Variants in KCNH7 observed in about 807,000 individuals in gnomAD.
KCNH7 encodes the protein potassium voltage-gated channel subfamily H member 7, also known as voltage-gated inwardly rectifying potassium channel KCNH7.
Under a neutral mutation model 120.8 loss-of-function variants are expected in KCNH7, and 49 were observed. That is an observed-to-expected ratio of 0.41 (90% CI 0.32 to 0.51). KCNH7 has a LOEUF of 0.51. Among genes scored for constraint, KCNH7 ranks in the 20% least tolerant of loss-of-function variants. KCNH7 has a pLI of 0.38. For missense variants in KCNH7, 1,097 were observed against 1,446.6 expected, an observed-to-expected ratio of 0.76 and a Z score of 3.92; for synonymous variants, 547 against 516.1, an observed-to-expected ratio of 1.06 and a Z score of -0.81.
At chr2:162,594,131 C>T (rs915495237) in intron 2 of KCNH7, among the ~76,000 whole-genome samples, 5 of 151,828 alleles carry the variant, frequency 3.3e-5, no homozygotes, top group Admixed American at 2.0e-4. Flanking sequence ...TGATGAAGGC[C>T]CCAAATTTCA....
At chr2:162,420,351 G>A (rs1316376814) in intron 9 of KCNH7, among the ~76,000 whole-genome samples, 1 of 152,118 alleles carries the variant, frequency 6.6e-6, no homozygotes, top group Non-Finnish European at 1.5e-5. Flanking sequence ...ACTCTAGGCT[G>A]GGAAATAGAG....
intron 13 of KCNH7, 136 bp from the exon 14 acceptor site, chr2:162,380,157 G>T (rs1305126211): frequency 1.0e-6 from 1 of 993,814 alleles, no homozygotes; most frequent in African/African-American, 1.6e-5. Flanking sequence ...ATTCAGTGAT[G>T]TGTCCAGGGG....
intron 2 of KCNH7, among the ~76,000 whole-genome samples, chr2:162,762,119 T>A (rs577654508): frequency 6.6e-6 from 1 of 152,150 alleles, no homozygotes; most frequent in East Asian, 1.9e-4. Context: ...TCTTTAGATC[T>A]TATCTTTCTC....
intron 2 of KCNH7, among the ~76,000 whole-genome samples, chr2:162,549,490 T>G (rs1435627006): frequency 6.6e-6 from 1 of 152,214 alleles, no homozygotes; most frequent in African/African-American, 2.4e-5. Flanking sequence ...AATAAACACT[T>G]TCTGAGATAA....
intron 9 of KCNH7, among the ~76,000 whole-genome samples, chr2:162,408,286 T>C (rs997983835): frequency 8.5e-5 from 13 of 152,078 alleles, no homozygotes; most frequent in African/African-American, 3.1e-4. Flanking sequence ...GGGTATTGTT[T>C]CTTGGGAATT....
chr2:162,739,067 T>C (rs568337266), intron 2 of KCNH7, among the ~76,000 whole-genome samples: 61 of 152,302 alleles, frequency 4.0e-4, no homozygotes, highest in African/African-American at 1.2e-3. Flanking sequence ...CCTTGCCTAC[T>C]GTCATTCAGG....
At chr2:162,478,048 G>A (rs1689806638) in intron 6 of KCNH7, among the ~76,000 whole-genome samples, 1 of 152,220 alleles carries the variant, frequency 6.6e-6, no homozygotes, top group African/African-American at 2.4e-5. Context: ...AAGGCACTGT[G>A]AAAGTGTGTG....
At chr2:162,567,200 A>G (rs893589780) in intron 2 of KCNH7, among the ~76,000 whole-genome samples, 21 of 152,068 alleles carry the variant, frequency 1.4e-4, no homozygotes, top group African/African-American at 5.1e-4. Flanking sequence ...TGATATTCCA[A>G]CATAACTCTT....
At chr2:162,437,659 T>A (rs890497046) in intron 7 of KCNH7, among the ~76,000 whole-genome samples, 4 of 152,106 alleles carry the variant, frequency 2.6e-5, no homozygotes, top group Non-Finnish European at 5.9e-5. Context: ...TGAATACAAA[T>A]AATAAGGCCA....
intron 2 of KCNH7, among the ~76,000 whole-genome samples, chr2:162,602,677 A>G (rs1694596012): frequency 6.6e-6 from 1 of 152,046 alleles, no homozygotes; most frequent in South Asian, 2.1e-4. Context: ...ATATTCCAAT[A>G]CTAGTTATCC....
chr2:162,605,141 G>A (rs995691670), intron 2 of KCNH7, among the ~76,000 whole-genome samples: 3 of 152,038 alleles, frequency 2.0e-5, no homozygotes, highest in East Asian at 1.9e-4. Flanking sequence ...AACCTGAAAT[G>A]AGAACTGTGA....
At chr2:162,401,067 G>C (rs767227389) in intron 9 of KCNH7, among the ~76,000 whole-genome samples, 1 of 151,846 alleles carries the variant, frequency 6.6e-6, no homozygotes, top group Non-Finnish European at 1.5e-5. Flanking sequence ...CACTTTAAAA[G>C]TGTAGTCCGA....
At chr2:162,801,984 A>T (rs536125727) in intron 2 of KCNH7, among the ~76,000 whole-genome samples, 6 of 151,892 alleles carry the variant, frequency 4.0e-5, no homozygotes, top group African/African-American at 1.2e-4. Flanking sequence ...CAAGAATATG[A>T]TATATTCCAA....
chr2:162,678,950 C>A (rs1043076364), intron 2 of KCNH7, among the ~76,000 whole-genome samples: 2 of 151,610 alleles, frequency 1.3e-5, no homozygotes, highest in Non-Finnish European at 3.0e-5. Flanking sequence ...CAAATATACA[C>A]AATTGTCACC....
At chr2:162,630,331 T>C (rs1439829490) in intron 2 of KCNH7, among the ~76,000 whole-genome samples, 1 of 151,970 alleles carries the variant, frequency 6.6e-6, no homozygotes, top group Non-Finnish European at 1.5e-5. Context: ...CCCATTGTTA[T>C]GACATGAAAA....
chr2:162,728,097 T>A (rs942185671), intron 2 of KCNH7, among the ~76,000 whole-genome samples: 4 of 152,094 alleles, frequency 2.6e-5, no homozygotes, highest in Admixed American at 2.6e-4. Flanking sequence ...AACTCCTTTT[T>A]TTTCCATTTT....
intron 6 of KCNH7, among the ~76,000 whole-genome samples, chr2:162,465,581 C>T (rs1484641955): frequency 6.6e-6 from 1 of 152,118 alleles, no homozygotes; most frequent in Non-Finnish European, 1.5e-5. Context: ...GTGAAAGCTG[C>T]CTCACATCAA....
intron 12 of KCNH7, among the ~76,000 whole-genome samples, chr2:162,390,739 C>G (rs149443277): frequency 6.6e-6 from 1 of 151,774 alleles, no homozygotes; most frequent in East Asian, 1.9e-4. Flanking sequence ...ATACAAGGTG[C>G]TCTCAAATTT....
chr2:162,527,141 T>C (rs1157183974), intron 3 of KCNH7, among the ~76,000 whole-genome samples: 1 of 151,960 alleles, frequency 6.6e-6, no homozygotes, highest in African/African-American at 2.4e-5. Context: ...GCACATGACA[T>C]AAAATTTTTT....
Sources: allele counts gnomAD v4.1 joint callset (sites outside exome capture counted in the v4.1 genomes callset), GRCh38; gene constraint gnomAD v4.1.1; transcripts MANE v1.5; gene names NCBI Gene and HGNC (gene_info 2026-07-23, HGNC 2026-07-21).